MAST1: variants seen among roughly 807,000 people sequenced by gnomAD.
MAST1 encodes the protein microtubule-associated serine/threonine-protein kinase 1.
In MAST1, 40 loss-of-function variants were observed where a neutral mutation model predicts 124.6. That is an observed-to-expected ratio of 0.32 (90% CI 0.25 to 0.42). The LOEUF (loss-of-function observed/expected upper bound fraction) is 0.42, where lower values mean the gene tolerates loss of function less well. MAST1 is among the 10% of genes least tolerant of loss of function. The pLI, the probability that MAST1 is intolerant of heterozygous loss-of-function variation, is 1.00. For synonymous variants in MAST1, 938 were observed against 939.4 expected (o/e 1.00, Z 0.03); for missense variants, 1,558 against 2,181.9 (o/e 0.71, Z 5.70).
intron 1 of MAST1, among the ~76,000 whole-genome samples, 188 bp from the exon 2 acceptor site, chr19:12,840,258 A>T (rs1448548647): frequency 6.6e-6 from 1 of 152,228 alleles, no homozygotes; most frequent in Non-Finnish European, 1.5e-5. Flanking sequence ...TGTCATATGC[A>T]CATCCCCTGC....
chr19:12,861,441 G>T (rs1036547657), intron 12 of MAST1, among the ~76,000 whole-genome samples: 1 of 152,140 alleles, frequency 6.6e-6, no homozygotes, highest in Non-Finnish European at 1.5e-5. Context: ...GCTTCTCAGA[G>T]GCCTGGATTA....
rs1231683229 is a variant in MAST1, at chr19:12,847,361, C to A, written c.399C>A (p.Leu133=). The A allele has an allele frequency of 1.2e-6, 2 of 1,613,780 alleles. No individual in the cohort carries two copies. Among genetic ancestry groups the A allele is most frequent in the African/African-American group, 2.7e-5 (2 of 74,860 alleles). Residue 133 remains leucine (L), a synonymous_variant, in exon 5 of 26, where the codon CTC becomes CTA. Transcript: ENST00000251472. This position sits in a 1 kb window ranked among gnomAD's most constrained non-coding sequence, Gnocchi z 5.5. The stretch of plus-strand genomic sequence containing the variant: ...CCACGGTGGACGAGCTCCACTTCCT[C>A]TCCAAACACTTCGGGAGCACCGAGA... ...YQPTVDELHF[L]SKHFGSTESI... is the part of the protein sequence containing the mutation.
rs967035414 is a variant in MAST1 at position 12,874,794 on chromosome 19, G to A, written c.4637G>A (p.Arg1546Gln). ...AAGCCTCAAGTGGGGCTGACCTCCC[G>A]GTGCCCTGCTGAAGCTGTGCCCCCA... is the stretch of plus-strand genomic sequence containing the variant. Reference protein sequence around the residue: ...GTKPQVGLTSRCPAEAVPPAG... With the variant: ...GTKPQVGLTSQCPAEAVPPAG... Residue 1546 changes from arginine (R) to glutamine (Q), a missense_variant, in exon 26 of 26, where the codon CGG becomes CAG. By Grantham distance (43) the Arg-to-Gln change is conservative. Coordinates refer to ENST00000251472, the MANE Select transcript of MAST1 (RefSeq NM_014975.3). This position sits in a 1 kb window ranked among gnomAD's most constrained non-coding sequence, Gnocchi z 6.6. 4.4e-6 allele frequency: 7 copies of A among 1,601,584 alleles called. No individual in the cohort carries two copies. Among genetic ancestry groups the A allele is most frequent in the South Asian group, 3.3e-5 (3 of 90,156 alleles).
At chr19:12,852,460 C>A in intron 10 of MAST1, 65 bp downstream of exon 10, 1 of 1,458,964 alleles carries the variant, frequency 6.9e-7, no homozygotes, top group Non-Finnish European at 9.6e-7. Flanking sequence ...GGCTCATCTC[C>A]GGCTTCTTTG....
intron 10 of MAST1, among the ~76,000 whole-genome samples, chr19:12,856,087 C>G (rs1183844703): frequency 6.6e-6 from 1 of 151,896 alleles, no homozygotes; most frequent in African/African-American, 2.4e-5. Context: ...ATTTTTATGT[C>G]AGATATTTTT....
chr19:12,874,128 G>A lies in MAST1; in HGVS notation c.3971G>A (p.Arg1324Gln), dbSNP rs766191790. The change falls in exon 26 of 26, where the codon CGG becomes CAG. Residue 1324 changes from arginine to glutamine, a missense_variant. Arg to Gln is a conservative substitution (Grantham distance 43). This residue lies in a region of MAST1 where 263 missense variants were observed against 310.9 expected (regional missense o/e 0.85). Coordinates refer to ENST00000251472, the MANE Select transcript of MAST1 (RefSeq NM_014975.3). This position sits in a 1 kb window ranked among gnomAD's most constrained non-coding sequence, Gnocchi z 6.6. ...CCAGTCGAGGGCCTTGGCGCGCCCC[G>A]GCAGGTCGCCGTCCGCCGCCTGGGC... is the stretch of plus-strand genomic sequence containing the variant. ...TPPVEGLGAP[R>Q]QVAVRRLGRQ... is the part of the protein sequence containing the mutation. The A allele has an allele frequency of 9.1e-6, 14 of 1,543,448 alleles. No homozygotes were observed. Among genetic ancestry groups the A allele is most frequent in the South Asian group, 3.6e-5 (3 of 84,300 alleles).
intron 10 of MAST1, among the ~76,000 whole-genome samples, chr19:12,856,754 C>T (rs1970022458): frequency 6.6e-6 from 1 of 152,178 alleles, no homozygotes; most frequent in Non-Finnish European, 1.5e-5. Flanking sequence ...CTAACTACCC[C>T]ACATGTGTTT....
rs567669033 is a variant in MAST1, at chr19:12,838,713, G to T, written c.83+58G>T. 12 of 1,525,096 alleles carry T rather than the reference G, an allele frequency of 7.9e-6. No individual in the cohort carries two copies. In the Admixed American group the frequency reaches 1.0e-4, roughly 13 times the overall value. The allele number at this position is 1,525,096 out of a possible 1,614,324, so 94.5% of individuals were successfully genotyped here. On this transcript the variant is annotated intron_variant, in intron 1 of 25. Coordinates refer to ENST00000251472, the MANE Select transcript of MAST1 (RefSeq NM_014975.3). The surrounding 1 kb of genome is among the most constrained non-coding windows in gnomAD (Gnocchi z 4.3). Reference sequence around the variant, plus strand: ...CCCTCCCCGCAAAAGCCGCCGCTCCGGGTACTGCTGCAGGGCGGGGCCCGG... The same window carrying T: ...CCCTCCCCGCAAAAGCCGCCGCTCCTGGTACTGCTGCAGGGCGGGGCCCGG...
At chr19:12,854,927 C>T (rs181089284) in intron 10 of MAST1, among the ~76,000 whole-genome samples, 2 of 152,140 alleles carry the variant, frequency 1.3e-5, no homozygotes, top group Non-Finnish European at 2.9e-5. Context: ...CTCTGAACTG[C>T]CTAGTATTTT....
chr19:12,856,304 CTTT>C (rs201548961), intron 10 of MAST1, among the ~76,000 whole-genome samples: 4 of 139,216 alleles, frequency 2.9e-5, no homozygotes. Context: ...TATTTTGCCA[CTTT>C]TTTTTTTTTT....
chr19:12,839,539 C>A (rs1009761985), intron 1 of MAST1, among the ~76,000 whole-genome samples: 1 of 152,144 alleles, frequency 6.6e-6, no homozygotes, highest in Non-Finnish European at 1.5e-5. Context: ...GACAGAACCA[C>A]GCAAAATCAC....
rs981677538 is a variant in MAST1, at chr19:12,866,465, G to A, written c.2030-188G>A. Among the ~76,000 whole-genome samples the A allele has an allele frequency of 2.6e-5, 4 of 152,234 alleles. No individual in the cohort carries two copies. Among genetic ancestry groups the A allele is most frequent in the South Asian group, 2.1e-4 (1 of 4,826 alleles). On this transcript the variant is annotated intron_variant, in intron 17 of 25. Transcript: ENST00000251472. This position sits in a 1 kb window ranked among gnomAD's most constrained non-coding sequence, Gnocchi z 5.2. ...GGCCTCTTTGGAGGCGGGGCTAGAC[G>A]GTGCCACTGAGAATGGGGCAAGGAC... is the stretch of plus-strand genomic sequence containing the variant.
chr19:12,859,337 C>T (rs576614370), intron 12 of MAST1, among the ~76,000 whole-genome samples: 9 of 152,154 alleles, frequency 5.9e-5, no homozygotes, highest in Non-Finnish European at 1.0e-4. Context: ...GCCTGGGCCT[C>T]CCAAAGTGCT....
Position 12,847,970 on chromosome 19 carries a change from G to A in MAST1, c.687G>A (p.Arg229=). The change falls in exon 7 of 26, where the codon CGG becomes CGA. Residue 229 remains arginine (R), a synonymous_variant. Transcript: ENST00000251472. This position sits in a 1 kb window ranked among gnomAD's most constrained non-coding sequence, Gnocchi z 5.5. ...FIHHQIIELA[R]DCLTKSRDGL... ...ACCACCAGATCATCGAGCTGGCCCG[G>A]GACTGCCTGACCAAGTCCCGTGACG... The A allele has an allele frequency of 6.2e-7, 1 of 1,614,118 alleles. No individual in the cohort carries two copies. The highest frequency in any genetic ancestry group is 8.5e-7 in the Non-Finnish European group (1 of 1,179,976).
intron 19 of MAST1, 34 bp downstream of exon 19, chr19:12,867,686 G>T: frequency 6.5e-7 from 1 of 1,541,188 alleles, no homozygotes; most frequent in Non-Finnish European, 8.7e-7. Flanking sequence ...TGGGGGCGGG[G>T]TCGAAGGGGG....
intron 12 of MAST1, 38 bp downstream of exon 12, chr19:12,858,777 G>C (rs375261067): frequency 3.1e-6 from 5 of 1,606,612 alleles, no homozygotes. Context: ...AGATGGGGCC[G>C]TGCTCACTGG....
Position 12,858,540 on chromosome 19 carries a change from C to T in MAST1, c.1167C>T (p.Tyr389=). 6.2e-7 allele frequency: 1 copy of T among 1,614,192 alleles called. No individual in the cohort carries two copies. Among genetic ancestry groups the T allele is most frequent in the Non-Finnish European group, 8.5e-7 (1 of 1,180,018 alleles). The part of the protein sequence containing the change: ...LISNGAYGAV[Y]LVRHRDTRQR... Reference sequence around the variant, plus strand: ...CTCTCTCCCCCTGCAGCGCTGTCTACCTGGTGCGGCACCGCGACACGCGGC... The same window carrying T: ...CTCTCTCCCCCTGCAGCGCTGTCTATCTGGTGCGGCACCGCGACACGCGGC... Residue 389 remains tyrosine (Y), a synonymous_variant, in exon 12 of 26, where the codon TAC becomes TAT. Coordinates refer to ENST00000251472, the MANE Select transcript of MAST1 (RefSeq NM_014975.3).
In MAST1 at chr19:12,847,008, G is replaced by A. The variant is rs1969902002; in HGVS notation, c.328-282G>A. On this transcript the variant is annotated intron_variant, in intron 4 of 25. Transcript: ENST00000251472. This position sits in a 1 kb window ranked among gnomAD's most constrained non-coding sequence, Gnocchi z 5.5. ...TGTATAACTGGGGAAGGACTTGGGT[G>A]TTCACCCTGAGTAAGGTGGGAGCCA... Among the ~76,000 whole-genome samples the A allele has an allele frequency of 6.6e-6, 1 of 152,108 alleles. No individual in the cohort carries two copies. The highest frequency in any genetic ancestry group is 1.5e-5 in the Non-Finnish European group (1 of 68,016).
At chr19:12,862,296 C>T (rs572195677) in intron 12 of MAST1, among the ~76,000 whole-genome samples, 1 of 152,056 alleles carries the variant, frequency 6.6e-6, no homozygotes, top group Non-Finnish European at 1.5e-5. Flanking sequence ...TGAATCACTG[C>T]GCCCAGCCTT....
Sources: gnomAD v4.1 joint callset for allele counts (sites outside exome capture counted in the v4.1 genomes callset) on GRCh38, gnomAD v4.1.1 for gene constraint, gnomAD v4.1.1 regional missense constraint, Gnocchi (gnomAD v3.1) non-coding constraint, MANE v1.5 for transcripts, NCBI Gene and HGNC (gene_info 2026-07-23, HGNC 2026-07-21) for gene names.